TBX19: variants seen among roughly 807,000 people sequenced by gnomAD.
TBX19 encodes the protein T-box transcription factor 19.
In TBX19, 33 loss-of-function variants were observed where a neutral mutation model predicts 40.9. That is an observed-to-expected ratio of 0.81 (90% CI 0.61 to 1.08). TBX19 has a LOEUF of 1.08. Among genes scored for constraint, TBX19 ranks in the 50% least tolerant of loss-of-function variants. The pLI is 0.00. For synonymous variants in TBX19, 220 were observed against 225.0 expected (o/e 0.98, Z 0.20); for missense variants, 494 against 574.0 (o/e 0.86, Z 1.42).
At position 168,308,839 on chromosome 1, in the gene TBX19, T is replaced by C; in HGVS notation, c.1014T>C (p.Ser338=). ...LSSTPHASIL[S]VPHTNGPINP... The stretch of plus-strand genomic sequence containing the variant: ...CCACACCCCATGCCAGCATCCTGTC[T>C]GTACCCCACACCAACGGACCAATCA... Residue 338 remains serine, a synonymous_variant, in exon 7 of 8, where the codon TCT becomes TCC. Coordinates refer to ENST00000367821, the MANE Select transcript of TBX19 (RefSeq NM_005149.3). 2 of 1,614,190 alleles carry C rather than the reference T, an allele frequency of 1.2e-6. No homozygotes were observed. The highest frequency in any genetic ancestry group is 1.7e-6 in the Non-Finnish European group (2 of 1,180,028).
At chr1:168,291,561 G>A in intron 2 of TBX19, 137 bp downstream of exon 2, 1 of 1,224,754 alleles carries the variant, frequency 8.2e-7, no homozygotes, top group Non-Finnish European at 1.2e-6. Context: ...TTATTCCCGG[G>A]AGTCCAAATG....
chr1:168,292,016 G>A (rs1434635139), intron 2 of TBX19, among the ~76,000 whole-genome samples: 1 of 152,146 alleles, frequency 6.6e-6, no homozygotes, highest in Non-Finnish European at 1.5e-5. Context: ...TTAGGATTGT[G>A]AATACTAGTC....
intron 1 of TBX19, among the ~76,000 whole-genome samples, chr1:168,288,717 G>A (rs1489242328): frequency 6.6e-6 from 1 of 151,678 alleles, no homozygotes; most frequent in Admixed American, 6.6e-5. Flanking sequence ...ATGAGTTTTT[G>A]TTCTTACTTT....
intron 7 of TBX19, among the ~76,000 whole-genome samples, chr1:168,312,367 C>A (rs1649546363): frequency 6.6e-6 from 1 of 152,194 alleles, no homozygotes; most frequent in Non-Finnish European, 1.5e-5. Flanking sequence ...ATGCAGAAAT[C>A]ATACAGTTTT....
Position 168,312,872 on chromosome 1 carries a change from A to C in TBX19, c.1217A>C (p.Glu406Ala), listed in dbSNP as rs146860116. The change falls in exon 8 of 8, where the codon GAG (glutamate) becomes GCG (alanine). Residue 406 changes from glutamate (E) to alanine (A), a missense_variant. Physicochemically the swap from Glu to Ala is moderately radical, Grantham distance 107. Transcript: ENST00000367821. ...STQAPTSAGV[E>A]VLGEPSLTSI... The stretch of plus-strand genomic sequence containing the variant: ...CAAGCACCCACTTCGGCTGGTGTGG[A>C]GGTTCTGGGGGAGCCCTCGCTAACC... The C allele has an allele frequency of 9.9e-6, 16 of 1,614,058 alleles. No individual in the cohort carries two copies. In the African/African-American group the frequency reaches 1.6e-4, roughly 16 times the overall value.
chr1:168,291,440 G>T lies in TBX19; in HGVS notation c.468+16G>T, dbSNP rs1355252126. On this transcript the variant is annotated intron_variant, in intron 2 of 7. Transcript: ENST00000367821. ...AGGCGGGCAGGTACGAATGAGGCGG[G>T]CAGGCCTGGCCACCCGCTCCGGCCT... 1.2e-6 allele frequency: 2 copies of T among 1,614,102 alleles called. No homozygotes were observed. Among genetic ancestry groups the T allele is most frequent in the Non-Finnish European group, 1.7e-6 (2 of 1,180,034 alleles).
At chr1:168,281,357 A>C (rs886126306) in intron 1 of TBX19, 64 bp downstream of exon 1, 3 of 1,473,288 alleles carry the variant, frequency 2.0e-6, no homozygotes, top group Non-Finnish European at 1.9e-6. Flanking sequence ...GACCCCTTGA[A>C]TATTGAAGAG....
intron 1 of TBX19, among the ~76,000 whole-genome samples, chr1:168,289,328 ATAG>A (rs1167537531): frequency 1.2e-4 from 18 of 152,382 alleles, no homozygotes; most frequent in Non-Finnish European, 2.9e-5. Context: ...GTTTAATCTG[ATAG>A]TAGGAGAAAA....
chr1:168,301,356 G>A (rs56155221), intron 5 of TBX19, among the ~76,000 whole-genome samples: 1,894 of 151,990 alleles, frequency 0.012, 38 homozygotes, highest in African/African-American at 0.042. Flanking sequence ...TCCGCCTCCC[G>A]GGTTCAAGTG....
At chr1:168,298,177 CAG>C (rs1649164484) in intron 4 of TBX19, among the ~76,000 whole-genome samples, 1 of 152,118 alleles carries the variant, frequency 6.6e-6, no homozygotes, top group Non-Finnish European at 1.5e-5. Context: ...GCCTGGGCGA[CAG>C]AGCGAGACTC....
At chr1:168,304,854 AG>A (rs1253831897) in intron 5 of TBX19, among the ~76,000 whole-genome samples, 153 bp from the exon 6 acceptor site, 1 of 152,248 alleles carries the variant, frequency 6.6e-6, no homozygotes, top group Non-Finnish European at 1.5e-5. Flanking sequence ...AGTGGCAGCT[AG>A]GGGATGGTAC....
rs751935283 is a variant in TBX19 at position 168,305,207 on chromosome 1, C to T, written c.916+11C>T. 2.5e-5 allele frequency: 41 copies of T among 1,608,530 alleles called. No homozygotes were observed. Among genetic ancestry groups the T allele is most frequent in the South Asian group, 1.8e-4 (16 of 91,028 alleles). On this transcript the variant is annotated intron_variant, in intron 6 of 7. Coordinates refer to ENST00000367821, the MANE Select transcript of TBX19 (RefSeq NM_005149.3). ...ACCATTCTCCCTCAGGTCTGTGACT[C>T]TGCTGATTAAACCCTTGGGGTATGG...
intron 3 of TBX19, among the ~76,000 whole-genome samples, chr1:168,294,198 T>C (rs1649042464): frequency 6.6e-6 from 1 of 152,220 alleles, no homozygotes; most frequent in African/African-American, 2.4e-5. Flanking sequence ...TAAGGGTGTA[T>C]TATGATTACC....
chr1:168,299,094 A>G (rs1649213577), intron 4 of TBX19, among the ~76,000 whole-genome samples: 1 of 150,580 alleles, frequency 6.6e-6, no homozygotes. Flanking sequence ...TTTATGTTTT[A>G]TTTTTAGTGG....
At chr1:168,300,656 A>G (rs1649255830) in intron 5 of TBX19, among the ~76,000 whole-genome samples, 173 bp downstream of exon 5, 1 of 152,178 alleles carries the variant, frequency 6.6e-6, no homozygotes, top group Admixed American at 6.5e-5. Context: ...TTCCAGAGAG[A>G]GAGCCAATGG....
Position 168,305,136 on chromosome 1 carries a change from C to G in TBX19, c.856C>G (p.Arg286Gly). ...HHGCEHYSGL[R>G]GHRQAPYPSA... Reference sequence around the variant, plus strand: ...TGGCTGTGAGCACTATTCGGGTCTCCGAGGACACCGGCAGGCTCCCTACCC... The same window carrying G: ...TGGCTGTGAGCACTATTCGGGTCTCGGAGGACACCGGCAGGCTCCCTACCC... Residue 286 changes from arginine (R) to glycine (G), a missense_variant, in exon 6 of 8, where the codon CGA becomes GGA. Coordinates refer to ENST00000367821, the MANE Select transcript of TBX19 (RefSeq NM_005149.3). 1 of 1,613,922 alleles carries G rather than the reference C, an allele frequency of 6.2e-7. No homozygotes were observed. The highest frequency in any genetic ancestry group is 8.5e-7 in the Non-Finnish European group (1 of 1,180,026).
chr1:168,311,838 A>G (rs1488681533), intron 7 of TBX19, among the ~76,000 whole-genome samples: 1 of 152,168 alleles, frequency 6.6e-6, no homozygotes, highest in Non-Finnish European at 1.5e-5. Context: ...GTCACCTGGG[A>G]AACTTAAAAA....
rs191789731 is a variant in TBX19, at chr1:168,289,226, G to C, written c.204-1934G>C. On this transcript the variant is annotated intron_variant, in intron 1 of 7. Transcript: ENST00000367821. ...CCACTTTTATGATTCTTTGCAAACG[G>C]CATTTGTGTTCTCAGGATCCTTCTG... Among the ~76,000 whole-genome samples the C allele has an allele frequency of 2.6e-5, 4 of 152,198 alleles. No homozygotes were observed. The East Asian group carries it at 7.7e-4, about 29-fold the overall frequency.
chr1:168,308,968 C>T, intron 7 of TBX19, 91 bp downstream of exon 7: 1 of 1,573,982 alleles, frequency 6.4e-7, no homozygotes, highest in Non-Finnish European at 8.7e-7. Context: ...CCTAGGGTGG[C>T]TTGGTCTAAC....
Sources: gnomAD v4.1 joint callset for allele counts (sites outside exome capture counted in the v4.1 genomes callset) on GRCh38, gnomAD v4.1.1 for gene constraint, MANE v1.5 for transcripts, NCBI Gene and HGNC (gene_info 2026-07-23, HGNC 2026-07-21) for gene names.